The following PCSK6 variants were observed in gnomAD, a reference collection of about 807,000 sequenced individuals.
The protein encoded by PCSK6 is paired basic amino acid cleaving enzyme 4.
PCSK6 carries 85 observed loss-of-function variants against 123.3 expected under a neutral mutation model. The ratio of observed to expected loss-of-function variants is 0.69; its 90% CI spans 0.58 to 0.83. The LOEUF (loss-of-function observed/expected upper bound fraction) is 0.83, where lower values mean the gene tolerates loss of function less well. PCSK6 is among the 40% of genes least tolerant of loss of function. PCSK6 has a pLI of 0.00. For synonymous variants in PCSK6, 508 were observed against 516.0 expected, an observed-to-expected ratio of 0.98 and a Z score of 0.21; for missense variants, 1,191 against 1,282.3, an observed-to-expected ratio of 0.93 and a Z score of 1.09.
chr15:101,362,297 T>C (rs907751987), intron 13 of PCSK6, among the ~76,000 whole-genome samples: 1 of 151,962 alleles, frequency 6.6e-6, no homozygotes, highest in African/African-American at 2.4e-5. Context: ...AAAGAGGCAG[T>C]TTGGGAGTTT....
In PCSK6 at chr15:101,382,302, C is replaced by G. The variant is rs2041931876; in HGVS notation, c.1415-93G>C. On this transcript the variant is annotated intron_variant, in intron 10 of 21. Transcript: ENST00000611716. ...TGCATCTGCCGGGCCCCATGGAGGA[C>G]AGAGGGACCGTAAGACTCGAGGTCT... is the stretch of plus-strand genomic sequence containing the variant. 22 of 982,124 alleles carry G rather than the reference C, an allele frequency of 2.2e-5. 1 individual carries two copies. In the South Asian group the frequency reaches 3.4e-4, roughly 15 times the overall value. 60.8% of individuals were successfully genotyped at this position (982,124 alleles called of 1,614,324 possible).
chr15:101,331,478 T>G (rs964594736), intron 15 of PCSK6, among the ~76,000 whole-genome samples, 173 bp downstream of exon 15: 11 of 152,122 alleles, frequency 7.2e-5, no homozygotes, highest in Non-Finnish European at 4.4e-5. Flanking sequence ...TGAAAGTGGA[T>G]GTACTTGAGG....
chr15:101,305,334 A>G lies in PCSK6; in HGVS notation c.2834T>C (p.Met945Thr), dbSNP rs1232212209. The G allele has an allele frequency of 2.5e-6, 4 of 1,612,586 alleles. No homozygotes were observed. The highest frequency in any genetic ancestry group is 3.4e-6 in the Non-Finnish European group (4 of 1,179,784). ...TTCGCACAGCCGGTTGGACTTCACC[A>G]TCTCGCAGAATGTCTCGTCAGCTGG... ...CSNADETFCE[M>T]VKSNRLCERK... Residue 945 changes from methionine (M) to threonine (T), a missense_variant, in exon 22 of 22, where the codon ATG (methionine) becomes ACG (threonine). Physicochemically the swap from Met to Thr is moderately conservative, Grantham distance 81. This residue lies in a region of PCSK6 where 630 missense variants were observed against 631.4 expected (regional missense o/e 1.00). Coordinates refer to ENST00000611716, the MANE Select transcript of PCSK6 (RefSeq NM_002570.5). This position sits in a 1 kb window ranked among gnomAD's most constrained non-coding sequence, Gnocchi z 4.8.
Position 101,331,113 on chromosome 15 carries a change from C to A in PCSK6, c.2077+538G>T, listed in dbSNP as rs116167282. Among the ~76,000 whole-genome samples the A allele has an allele frequency of 4.1e-3, 620 of 152,330 alleles. 3 individuals carry two copies. Among genetic ancestry groups the A allele is most frequent in the African/African-American group, 0.014 (590 of 41,574 alleles). ...GAAGAACAGCTTCTAGTCTAACAAA[C>A]GAATAAAAGCCATGTCCAGCTCAGT... On this transcript the variant is annotated intron_variant, in intron 15 of 21. Coordinates refer to ENST00000611716, the MANE Select transcript of PCSK6 (RefSeq NM_002570.5).
chr15:101,401,932 A>T (rs1322571172), intron 6 of PCSK6, among the ~76,000 whole-genome samples: 3 of 152,114 alleles, frequency 2.0e-5, no homozygotes, highest in East Asian at 1.9e-4. Flanking sequence ...TAAAGTTCAT[A>T]TGGAACCAAA....
intron 6 of PCSK6, among the ~76,000 whole-genome samples, chr15:101,400,628 G>T (rs867717939): frequency 6.6e-6 from 1 of 152,232 alleles, no homozygotes; most frequent in Non-Finnish European, 1.5e-5. Flanking sequence ...AACATTTTAC[G>T]TGAGTAGAAT....
chr15:101,474,223 A>C (rs1363609603), intron 1 of PCSK6, among the ~76,000 whole-genome samples: 1 of 152,202 alleles, frequency 6.6e-6, no homozygotes. Context: ...TGTTAGACTG[A>C]ATTCAATGGC....
intron 1 of PCSK6, among the ~76,000 whole-genome samples, chr15:101,475,418 G>C (rs561552895): frequency 7.2e-5 from 11 of 152,138 alleles, no homozygotes. Flanking sequence ...GAAAAAATGG[G>C]CAAAGAATAT....
chr15:101,418,811 C>T (rs371931203), intron 6 of PCSK6, among the ~76,000 whole-genome samples: 1 of 152,118 alleles, frequency 6.6e-6, no homozygotes, highest in Non-Finnish European at 1.5e-5. Context: ...CTGTGCCTAG[C>T]CCAGTTTAGG....
intron 13 of PCSK6, among the ~76,000 whole-genome samples, chr15:101,349,694 G>A (rs1237790140): frequency 6.6e-6 from 1 of 152,168 alleles, no homozygotes; most frequent in Non-Finnish European, 1.5e-5. Flanking sequence ...TGATGAGGGA[G>A]TCATCAGTCC....
At chr15:101,452,389 C>T (rs1295384269) in intron 1 of PCSK6, among the ~76,000 whole-genome samples, 2 of 152,210 alleles carry the variant, frequency 1.3e-5, no homozygotes, top group East Asian at 1.9e-4. Context: ...GGTTTCTTTA[C>T]GGCTGTCTGG....
intron 7 of PCSK6, among the ~76,000 whole-genome samples, chr15:101,397,371 C>T (rs889920298): frequency 8.5e-5 from 13 of 152,098 alleles, no homozygotes; most frequent in African/African-American, 3.1e-4. Flanking sequence ...TCCTACTATC[C>T]GACTGACTTA....
intron 6 of PCSK6, among the ~76,000 whole-genome samples, chr15:101,420,388 G>T (rs758041787): frequency 6.6e-6 from 1 of 152,008 alleles, no homozygotes; most frequent in Non-Finnish European, 1.5e-5. Context: ...TTGAGACAGG[G>T]TCTCACTCTG....
chr15:101,387,987 C>CA (rs1567182352), intron 9 of PCSK6, among the ~76,000 whole-genome samples: 1 of 152,066 alleles, frequency 6.6e-6, no homozygotes, highest in African/African-American at 2.4e-5. Flanking sequence ...GAGGAGCTAA[C>CA]ATGATGAGGA....
intron 1 of PCSK6, among the ~76,000 whole-genome samples, chr15:101,484,149 A>C (rs766707769): frequency 2.6e-5 from 4 of 152,198 alleles, no homozygotes; most frequent in Admixed American, 1.3e-4. Flanking sequence ...GTCTAGGCAC[A>C]ATTTTGTATA....
In PCSK6 at chr15:101,401,161, A is replaced by G. The variant is rs548323955; in HGVS notation, c.824-2585T>C. Among the ~76,000 whole-genome samples, 32 of 152,374 alleles carry G rather than the reference A, an allele frequency of 2.1e-4. 1 individual carries two copies. Among genetic ancestry groups the G allele is most frequent in the Admixed American group, 2.0e-3 (30 of 15,302 alleles). Reference sequence around the variant, plus strand: ...ATGTCAGAGAAATTTACACCAAGGCAATAGCAAGGTTGAGGCATAGGAGAC... The same window carrying G: ...ATGTCAGAGAAATTTACACCAAGGCGATAGCAAGGTTGAGGCATAGGAGAC... On this transcript the variant is annotated intron_variant, in intron 6 of 21. Coordinates refer to ENST00000611716, the MANE Select transcript of PCSK6 (RefSeq NM_002570.5).
intron 1 of PCSK6, among the ~76,000 whole-genome samples, chr15:101,485,434 G>A (rs1051666396): frequency 2.0e-5 from 3 of 152,096 alleles, no homozygotes; most frequent in African/African-American, 4.8e-5. Context: ...TTATCTTAAT[G>A]TATCAGTCTC....
intron 13 of PCSK6, among the ~76,000 whole-genome samples, chr15:101,343,365 T>G (rs1198474498): frequency 6.6e-6 from 1 of 152,124 alleles, no homozygotes; most frequent in Non-Finnish European, 1.5e-5. Flanking sequence ...TTCTGCTATT[T>G]TAAAAATTCC....
chr15:101,316,606 A>G (rs2039994334), intron 19 of PCSK6, among the ~76,000 whole-genome samples: 1 of 152,250 alleles, frequency 6.6e-6, no homozygotes, highest in Admixed American at 6.5e-5. Flanking sequence ...TGCTGGGGAA[A>G]TCTGCTGAGC....
Sources: gnomAD v4.1 joint callset for allele counts (sites outside exome capture counted in the v4.1 genomes callset) on GRCh38, gnomAD v4.1.1 for gene constraint, gnomAD v4.1.1 regional missense constraint, Gnocchi (gnomAD v3.1) non-coding constraint, MANE v1.5 for transcripts, NCBI Gene and HGNC (gene_info 2026-07-23, HGNC 2026-07-21) for gene names.